DOCK1: variants seen among roughly 807,000 people sequenced by gnomAD.
DOCK1 encodes the protein dedicator of cytokinesis protein 1.
DOCK1 carries 138 observed loss-of-function variants against 262.7 expected under a neutral mutation model. The observed-to-expected ratio is 0.53, with a 90% confidence interval of 0.46 to 0.61. The LOEUF (loss-of-function observed/expected upper bound fraction) is 0.61, where lower values mean the gene tolerates loss of function less well. DOCK1 is among the 20% of genes least tolerant of loss of function. The pLI is 0.00. For missense variants in DOCK1, 1,908 were observed against 2,370.7 expected, an observed-to-expected ratio of 0.80 and a Z score of 4.05; for synonymous variants, 866 against 867.4, an observed-to-expected ratio of 1.00 and a Z score of 0.03.
chr10:127,305,110 AT>A (rs2061827633), intron 29 of DOCK1, among the ~76,000 whole-genome samples: 1 of 151,450 alleles, frequency 6.6e-6, no homozygotes, highest in African/African-American at 2.4e-5. Flanking sequence ...CCCCAGTCTA[AT>A]TTTGCATATT....
intron 10 of DOCK1, among the ~76,000 whole-genome samples, chr10:127,006,766 T>G (rs1272092077): frequency 6.6e-6 from 1 of 152,074 alleles, no homozygotes; most frequent in Admixed American, 6.5e-5. Flanking sequence ...GGCTGGGCAC[T>G]GGGGATGTGG....
At chr10:127,366,073 A>G (rs1246715888) in intron 33 of DOCK1, among the ~76,000 whole-genome samples, 1 of 152,138 alleles carries the variant, frequency 6.6e-6, no homozygotes. Flanking sequence ...ATAAGCCTGA[A>G]GACACAGATT....
chr10:126,926,792 C>T (rs527969278), intron 1 of DOCK1, among the ~76,000 whole-genome samples: 141 of 152,298 alleles, frequency 9.3e-4, no homozygotes, highest in Non-Finnish European at 1.2e-3. Flanking sequence ...GTAGGGCTCC[C>T]TGGAGCTGGA....
At chr10:126,960,435 G>T (rs1337731827) in intron 1 of DOCK1, among the ~76,000 whole-genome samples, 2 of 151,280 alleles carry the variant, frequency 1.3e-5, no homozygotes, top group Non-Finnish European at 2.9e-5. Flanking sequence ...TCGCCTGGCG[G>T]TATATTGTCG....
chr10:127,262,014 A>G (rs1269484037), intron 29 of DOCK1, among the ~76,000 whole-genome samples: 4 of 85,802 alleles, frequency 4.7e-5, no homozygotes, highest in Admixed American at 4.4e-4. Context: ...CTGTTTGTGT[A>G]CCTGCATGTG....
At chr10:127,220,732 C>T (rs11016812) in intron 27 of DOCK1, among the ~76,000 whole-genome samples, 40,744 of 151,698 alleles carry the variant, frequency 0.27, 5,829 homozygotes, top group South Asian at 0.41. Flanking sequence ...AGATGGGGGC[C>T]GTAGAATTCC....
intron 24 of DOCK1, among the ~76,000 whole-genome samples, chr10:127,108,986 T>A (rs1370450679): frequency 2.0e-5 from 3 of 152,210 alleles, no homozygotes; most frequent in Admixed American, 2.0e-4. Context: ...TGTTGAGTTG[T>A]ATTCAAGTTT....
chr10:127,225,310 C>T (rs1233450787), intron 27 of DOCK1, among the ~76,000 whole-genome samples: 1 of 152,228 alleles, frequency 6.6e-6, no homozygotes, highest in African/African-American at 2.4e-5. Flanking sequence ...CGACTTACCC[C>T]ATCAATGCCA....
chr10:127,061,913 G>A lies in DOCK1; in HGVS notation c.2445+137G>A, dbSNP rs1564772738. The stretch of plus-strand genomic sequence containing the variant: ...TTGTTAATGTCAGAGATCTCAATTT[G>A]ATTTCAAGAGCTGTGCTTTTTTTTT... On this transcript the variant is annotated intron_variant, in intron 23 of 51. Coordinates refer to ENST00000623213, the MANE Select transcript of DOCK1 (RefSeq NM_001290223.2). The A allele has an allele frequency of 4.4e-5, 15 of 338,942 alleles. 1 individual carries two copies. In the East Asian group the frequency reaches 6.3e-4, roughly 14 times the overall value. 21.0% of individuals were successfully genotyped at this position (338,942 alleles called of 1,614,324 possible).
chr10:127,042,555 A>C, intron 19 of DOCK1, 70 bp from the exon 20 acceptor site: 1 of 1,340,024 alleles, frequency 7.5e-7, no homozygotes, highest in Non-Finnish European at 1.1e-6. Flanking sequence ...TGCAGAGATG[A>C]TAGTTATTCC....
intron 27 of DOCK1, among the ~76,000 whole-genome samples, chr10:127,188,267 A>T (rs948149070): frequency 1.3e-5 from 2 of 152,180 alleles, no homozygotes; most frequent in Non-Finnish European, 2.9e-5. Context: ...GTGGCCAGTT[A>T]TTGTCATGGA....
chr10:127,390,496 G>T (rs1007090150), intron 38 of DOCK1, among the ~76,000 whole-genome samples: 9 of 152,140 alleles, frequency 5.9e-5, no homozygotes, highest in African/African-American at 1.9e-4. Context: ...AGGTCATTAG[G>T]GTGGGCCCTA....
At position 126,906,034 on chromosome 10, in the gene DOCK1, G is replaced by T. The variant is rs543462997; in HGVS notation, c.46+471G>T. 7.4e-4 allele frequency among the ~76,000 whole-genome samples: 113 copies of T among 152,174 alleles called. 1 individual carries two copies. The South Asian group carries it at 0.014, about 19-fold the overall frequency. ...TGGGTGGGCGGGCTCAGGTCGGCGC[G>T]GTCCCAGCGGATAATTCCGCCCTTT... On this transcript the variant is annotated intron_variant, in intron 1 of 51. Coordinates refer to ENST00000623213, the MANE Select transcript of DOCK1 (RefSeq NM_001290223.2).
chr10:126,987,615 G>T lies in DOCK1; in HGVS notation c.322G>T (p.Val108Leu). The change falls in exon 5 of 52, where the codon GTG becomes TTG. Residue 108 changes from valine to leucine, a missense_variant and splice_region_variant. Val to Leu is a conservative substitution (Grantham distance 32). Transcript: ENST00000623213. ...GTCCACCATCTGGAGGCAGCTCTACGTGGTGAGAAAATGAGATATTCATTC... is the reference window on the plus strand; with the variant it reads ...GTCCACCATCTGGAGGCAGCTCTACTTGGTGAGAAAATGAGATATTCATTC... ...EWSTIWRQLYVQDNREMFRSV... is the reference protein window; with the variant it reads ...EWSTIWRQLYLQDNREMFRSV... The T allele has an allele frequency of 1.3e-6, 2 of 1,558,162 alleles. No individual in the cohort carries two copies. Among genetic ancestry groups the T allele is most frequent in the South Asian group, 2.4e-5 (2 of 84,238 alleles).
chr10:126,938,820 GGAGGGGACGAAC>G, intron 1 of DOCK1, among the ~76,000 whole-genome samples: 1 of 49,058 alleles, frequency 2.0e-5, no homozygotes, highest in South Asian at 5.4e-4. Context: ...GATGAACACA[GGAGGGGACGAAC>G]ACAGGAGGGG....
chr10:127,447,126 C>T (rs2070621662), intron 50 of DOCK1, among the ~76,000 whole-genome samples: 1 of 152,208 alleles, frequency 6.6e-6, no homozygotes, highest in South Asian at 2.1e-4. Context: ...ACCCTTTCTA[C>T]AGTGGCTCGA....
intron 33 of DOCK1, among the ~76,000 whole-genome samples, chr10:127,371,624 T>C (rs945532602): frequency 6.6e-6 from 1 of 152,260 alleles, no homozygotes. Context: ...TCTTGTTGTC[T>C]GTACTCATTA....
rs758080614 is a variant in DOCK1 at position 127,052,716 on chromosome 10, G to A, written c.2237G>A (p.Gly746Asp). 5 of 1,613,956 alleles carry A rather than the reference G, an allele frequency of 3.1e-6. No homozygotes were observed. In the East Asian group the frequency reaches 8.9e-5, roughly 29 times the overall value. ...AAAGTGTTGAAGAACTACGTGGACG[G>A]TGCTGAGAAGCCGGGAGTAAATGAG... is the stretch of plus-strand genomic sequence containing the variant. Reference protein sequence around the residue: ...LTKVLKNYVDGAEKPGVNEQL... With the variant: ...LTKVLKNYVDDAEKPGVNEQL... The change falls in exon 22 of 52, where the codon GGT (glycine) becomes GAT (aspartate). Residue 746 changes from glycine to aspartate, a missense_variant. Transcript: ENST00000623213.
intron 31 of DOCK1, among the ~76,000 whole-genome samples, chr10:127,351,883 C>T (rs746785022): frequency 2.0e-5 from 3 of 151,964 alleles, no homozygotes; most frequent in Non-Finnish European, 4.4e-5. Flanking sequence ...GACCTCCAGC[C>T]GGCCCTTCCC....
Sources: allele counts gnomAD v4.1 joint callset (sites outside exome capture counted in the v4.1 genomes callset), GRCh38; gene constraint gnomAD v4.1.1; transcripts MANE v1.5; gene names NCBI Gene and HGNC (gene_info 2026-07-23, HGNC 2026-07-21).